Variants in RSL24D1 observed in about 807,000 individuals in gnomAD.
The protein encoded by RSL24D1 is ribosomal L24 domain containing 1, also known as probable ribosome biogenesis protein RLP24.
RSL24D1 carries 6 observed loss-of-function variants against 26.2 expected under a neutral mutation model. That is an observed-to-expected ratio of 0.23 (90% confidence interval 0.13 to 0.45). RSL24D1 has a LOEUF of 0.45. RSL24D1 is among the 20% of genes least tolerant of loss of function. The pLI, the probability that RSL24D1 is intolerant of heterozygous loss-of-function variation, is 0.99. For synonymous variants in RSL24D1, 61 were observed against 59.1 expected (o/e 1.03, Z -0.15); for missense variants, 176 against 202.6 (o/e 0.87, Z 0.80).
At chr15:55,195,127 A>G (rs548198204) in intron 1 of RSL24D1, among the ~76,000 whole-genome samples, 1 of 152,146 alleles carries the variant, frequency 6.6e-6, no homozygotes, top group South Asian at 2.1e-4. Context: ...AGACACCACT[A>G]TCTTTGCAGA....
chr15:55,190,914 G>T, intron 3 of RSL24D1, 61 bp downstream of exon 3: 1 of 1,070,760 alleles, frequency 9.3e-7, no homozygotes, highest in Non-Finnish European at 1.4e-6. Flanking sequence ...GACACTTAAA[G>T]TTATAGTATT....
intron 1 of RSL24D1, chr15:55,196,489 G>A (rs935430246): frequency 4.2e-5 from 24 of 565,448 alleles, no homozygotes. Context: ...CAAGAATTTG[G>A]CCCAAGTACA....
At chr15:55,189,329 C>T (rs1894267285) in intron 3 of RSL24D1, among the ~76,000 whole-genome samples, 1 of 151,886 alleles carries the variant, frequency 6.6e-6, no homozygotes, top group African/African-American at 2.4e-5. Context: ...GTGTTATTTC[C>T]TTACCAAATA....
chr15:55,183,475 T>C, intron 4 of RSL24D1, 75 bp from the exon 5 acceptor site: 1 of 1,044,132 alleles, frequency 9.6e-7, no homozygotes, highest in Non-Finnish European at 1.4e-6. Flanking sequence ...ACAATACAGC[T>C]TCTAAATTTT....
chr15:55,194,406 T>C (rs1894332019), intron 1 of RSL24D1: 1 of 152,208 alleles, frequency 6.6e-6, no homozygotes, highest in African/African-American at 2.4e-5. Flanking sequence ...TATAATGTAA[T>C]ATGTAAACAC....
At position 55,181,851 on chromosome 15, in the gene RSL24D1, T is replaced by C. The variant is rs1894170240; in HGVS notation, c.*301A>G. On this transcript the variant is annotated 3_prime_UTR_variant, in exon 6 of 6. Coordinates refer to ENST00000260443, the MANE Select transcript of RSL24D1 (RefSeq NM_016304.3). ...CATGAATTTTTGCCATTAGTTACTATACAAATGCTGCCTAGTGCCATTATC... is the reference window on the plus strand; with the variant it reads ...CATGAATTTTTGCCATTAGTTACTACACAAATGCTGCCTAGTGCCATTATC... 4 of 256,322 alleles carry C rather than the reference T, an allele frequency of 1.6e-5. No individual in the cohort carries two copies. The highest frequency in any genetic ancestry group is 2.2e-4 in the South Asian group (2 of 9,152). 15.9% of individuals were successfully genotyped at this position (256,322 alleles called of 1,614,324 possible).
rs758714284 is a variant in RSL24D1, at chr15:55,182,229, TAATAAA to T, written c.419-10_419-5del. 26 of 1,572,470 alleles carry T rather than the reference TAATAAA, an allele frequency of 1.7e-5. No individual in the cohort carries two copies. Among genetic ancestry groups the T allele is most frequent in the African/African-American group, 4.0e-5 (3 of 74,110 alleles). On this transcript the variant is annotated splice_region_variant and splice_polypyrimidine_tract_variant and intron_variant, in intron 5 of 5. Transcript: ENST00000260443. ...TCTTCCAACTGTTTCCCTTTGCCTTTAATAAAAATAAGTAAAAAATAAACAACTTAA... is the reference window on the plus strand; with the variant it reads ...TCTTCCAACTGTTTCCCTTTGCCTTTAATAAGTAAAAAATAAACAACTTAA...
At chr15:55,185,705 C>T (rs79340306) in intron 3 of RSL24D1, among the ~76,000 whole-genome samples, 4,876 of 152,218 alleles carry the variant, frequency 0.032, 112 homozygotes, top group Non-Finnish European at 0.046. Context: ...CAATCCAATG[C>T]TTTTCAAATT....
In RSL24D1 at chr15:55,182,768, T is replaced by C. The variant is rs1435473761; in HGVS notation, c.419-543A>G. Among the ~76,000 whole-genome samples the C allele has an allele frequency of 2.0e-5, 3 of 152,238 alleles. No homozygotes were observed. In the East Asian group the frequency reaches 5.8e-4, roughly 29 times the overall value. On this transcript the variant is annotated intron_variant, in intron 5 of 5. Transcript: ENST00000260443. ...GATCTACACAAATGTACTCAATATG[T>C]GATTACAGAATTTGACCTTTACTAA...
chr15:55,194,234 C>T lies in RSL24D1; in HGVS notation c.82-1401G>A, dbSNP rs559525642. On this transcript the variant is annotated intron_variant, in intron 1 of 5. Transcript: ENST00000260443. ...GATTCAATCAGTAAATAAAGAGCAT[C>T]TATGTGCCTGATGTTGTACTAGTGC... 8.5e-5 allele frequency: 13 copies of T among 152,252 alleles called. 1 individual carries two copies. Among genetic ancestry groups the T allele is most frequent in the Admixed American group, 6.5e-4 (10 of 15,298 alleles). 9.4% of individuals were successfully genotyped at this position (152,252 alleles called of 1,614,324 possible). A position where few individuals can be genotyped will look rare whatever the true frequency, so the allele number is the denominator to read the frequency against.
intron 4 of RSL24D1, among the ~76,000 whole-genome samples, chr15:55,184,366 T>G (rs992230885): frequency 1.3e-5 from 2 of 152,168 alleles, no homozygotes; most frequent in Non-Finnish European, 2.9e-5. Flanking sequence ...TAAAGAATTA[T>G]AACCCAATGT....
Position 55,196,860 on chromosome 15 carries a change from C to T in RSL24D1, c.31G>A (p.Gly11Arg), listed in dbSNP as rs1894365681. 1 of 1,614,062 alleles carries T rather than the reference C, an allele frequency of 6.2e-7. No homozygotes were observed. The highest frequency in any genetic ancestry group is 8.5e-7 in the Non-Finnish European group (1 of 1,180,040). ...ATGCCGTGTCCAGGATAGATGGGCC[C>T]CGAACAGAAATAACACTTTTCGATA... Reference protein sequence around the residue: MRIEKCYFCSGPIYPGHGMMF... With the variant: MRIEKCYFCSRPIYPGHGMMF... Residue 11 changes from glycine to arginine, a missense_variant, in exon 1 of 6, where the codon GGG becomes AGG. Transcript: ENST00000260443.
In RSL24D1 at chr15:55,182,108, A is replaced by C; in HGVS notation, c.*44T>G. The C allele has an allele frequency of 8.4e-7, 1 of 1,184,822 alleles. No individual in the cohort carries two copies. The highest frequency in any genetic ancestry group is 1.5e-5 in the African/African-American group (1 of 66,060). The allele number at this position is 1,184,822 out of a possible 1,614,324, so 73.4% of individuals were successfully genotyped here. ...TAATTTAGCAGTTCCAAGTATCCAA[A>C]GGGCATTTTCAAATGTACATAAAAG... On this transcript the variant is annotated 3_prime_UTR_variant, in exon 6 of 6. Transcript: ENST00000260443.
rs1026463324 is a variant in RSL24D1, at chr15:55,190,964, T to C, written c.268+11A>G. ...TCTCCTCAAAATTACTGGTATTTCT[T>C]TGTGACTTACTAGTTTTATTCCATA... On this transcript the variant is annotated intron_variant, in intron 3 of 5. Transcript: ENST00000260443. The C allele has an allele frequency of 1.9e-6, 3 of 1,578,140 alleles. No homozygotes were observed. In the African/African-American group the frequency reaches 4.1e-5, roughly 21 times the overall value.
At chr15:55,184,942 T>C (rs1172187633) in intron 4 of RSL24D1, among the ~76,000 whole-genome samples, 1 of 152,160 alleles carries the variant, frequency 6.6e-6, no homozygotes. Context: ...GATGAGAAAC[T>C]GTCCAGATTA....
intron 5 of RSL24D1, among the ~76,000 whole-genome samples, chr15:55,182,685 G>A (rs144773635): frequency 0.016 from 2,503 of 152,134 alleles, 37 homozygotes; most frequent in Middle Eastern, 0.041. Flanking sequence ...TGAAACAAAT[G>A]CTCCAGAATT....
intron 3 of RSL24D1, among the ~76,000 whole-genome samples, chr15:55,190,482 G>C (rs969391554): frequency 2.6e-5 from 4 of 152,082 alleles, no homozygotes; most frequent in Middle Eastern, 6.8e-3. Flanking sequence ...TTTTACCTAA[G>C]TCAAACACTT....
intron 3 of RSL24D1, among the ~76,000 whole-genome samples, chr15:55,189,080 C>G (rs1198913916): frequency 1.3e-5 from 2 of 151,632 alleles, no homozygotes; most frequent in Admixed American, 1.3e-4. Flanking sequence ...GTAGTCCCAG[C>G]TACTCGGGAG....
At chr15:55,189,653 T>C (rs1467846948) in intron 3 of RSL24D1, among the ~76,000 whole-genome samples, 2 of 152,172 alleles carry the variant, frequency 1.3e-5, no homozygotes, top group Non-Finnish European at 1.5e-5. Context: ...GTTAGTGTAT[T>C]TTCTGTGTGC....
Sources: allele counts gnomAD v4.1 joint callset (sites outside exome capture counted in the v4.1 genomes callset), GRCh38; gene constraint gnomAD v4.1.1; transcripts MANE v1.5; gene names NCBI Gene and HGNC (gene_info 2026-07-23, HGNC 2026-07-21).